The following NDUFAF2 variants were observed in gnomAD, a reference collection of about 807,000 sequenced individuals.
NDUFAF2 encodes NADH:ubiquinone oxidoreductase complex assembly factor 2.
A neutral mutation model predicts 22.8 loss-of-function variants in NDUFAF2; 13 were observed. That is an observed-to-expected ratio of 0.57 (90% confidence interval 0.37 to 0.91). The LOEUF (loss-of-function observed/expected upper bound fraction) is 0.91. Ranked by LOEUF, NDUFAF2 falls within the 40% of genes least tolerant of loss-of-function variation. The probability of loss-of-function intolerance (pLI) is 0.01; values close to 1 mark genes in which losing one functional copy is unlikely to be tolerated. For missense variants in NDUFAF2, 162 were observed against 195.2 expected (o/e 0.83, Z 1.01); for synonymous variants, 53 against 64.2 (o/e 0.83, Z 0.84).
At chr5:60,962,271 C>A (rs771539099) in intron 1 of NDUFAF2, among the ~76,000 whole-genome samples, 6 of 151,788 alleles carry the variant, frequency 4.0e-5, no homozygotes, top group African/African-American at 1.5e-4. Context: ...CATTTGTCTC[C>A]ATGGAATTAA....
At chr5:60,995,637 A>T (rs1218867731) in intron 1 of NDUFAF2, among the ~76,000 whole-genome samples, 1 of 152,208 alleles carries the variant, frequency 6.6e-6, no homozygotes, top group Non-Finnish European at 1.5e-5. Context: ...CCTGAAGCCA[A>T]CACAGCACTT....
At chr5:61,040,852 G>A (rs1019124442) in intron 1 of NDUFAF2, among the ~76,000 whole-genome samples, 6 of 152,072 alleles carry the variant, frequency 3.9e-5, no homozygotes, top group African/African-American at 1.2e-4. Context: ...TCTATAGTTA[G>A]CAAAAGTAGG....
At chr5:61,059,843 C>T (rs1752142701) in intron 1 of NDUFAF2, among the ~76,000 whole-genome samples, 1 of 152,078 alleles carries the variant, frequency 6.6e-6, no homozygotes, top group South Asian at 2.1e-4. Flanking sequence ...TAGGACATGT[C>T]AGATTATAGA....
chr5:60,958,378 T>C (rs903728384), intron 1 of NDUFAF2, among the ~76,000 whole-genome samples: 1 of 152,210 alleles, frequency 6.6e-6, no homozygotes, highest in Non-Finnish European at 1.5e-5. Flanking sequence ...AGTTTTCATA[T>C]TTAATTTGTA....
intron 1 of NDUFAF2, among the ~76,000 whole-genome samples, chr5:61,019,792 C>T (rs1175607329): frequency 6.6e-6 from 1 of 151,964 alleles, no homozygotes; most frequent in Admixed American, 6.6e-5. Flanking sequence ...TTGTACTGGC[C>T]TCTTCTGATT....
intron 1 of NDUFAF2, among the ~76,000 whole-genome samples, chr5:61,066,082 A>G (rs1752224255): frequency 6.6e-6 from 1 of 152,078 alleles, no homozygotes; most frequent in African/African-American, 2.4e-5. Flanking sequence ...ACTGAAAAAG[A>G]CGTAAAGAAA....
At chr5:61,067,803 A>G (rs1752249854) in intron 1 of NDUFAF2, among the ~76,000 whole-genome samples, 1 of 152,194 alleles carries the variant, frequency 6.6e-6, no homozygotes, top group Admixed American at 6.5e-5. Context: ...CTATTTCTCC[A>G]CATCCTCTCC....
At chr5:60,963,681 C>T (rs1383934224) in intron 1 of NDUFAF2, among the ~76,000 whole-genome samples, 4 of 152,076 alleles carry the variant, frequency 2.6e-5, no homozygotes, top group African/African-American at 7.2e-5. Context: ...CTGAAAAATC[C>T]GTGGCTTTAC....
intron 1 of NDUFAF2, among the ~76,000 whole-genome samples, chr5:60,955,918 T>A (rs1011163996): frequency 1.6e-5 from 2 of 125,150 alleles, no homozygotes; most frequent in African/African-American, 5.4e-5. Flanking sequence ...ATGTTGACTT[T>A]GTTTTTTTTT....
At chr5:61,043,595 G>T (rs1037583468) in intron 1 of NDUFAF2, among the ~76,000 whole-genome samples, 1 of 152,016 alleles carries the variant, frequency 6.6e-6, no homozygotes, top group African/African-American at 2.4e-5. Context: ...GTCTTTCTGT[G>T]CCTGCTTACT....
At chr5:61,059,042 T>A (rs745530016) in intron 1 of NDUFAF2, among the ~76,000 whole-genome samples, 1 of 152,074 alleles carries the variant, frequency 6.6e-6, no homozygotes, top group Non-Finnish European at 1.5e-5. Context: ...CAAGTGTTAT[T>A]TCTTTGTTTT....
chr5:61,144,446 C>G (rs1741105312), intron 3 of NDUFAF2, among the ~76,000 whole-genome samples: 1 of 152,034 alleles, frequency 6.6e-6, no homozygotes, highest in Admixed American at 6.5e-5. Context: ...TTTACCTTTT[C>G]TTGTTAAGTA....
At position 61,148,736 on chromosome 5, in the gene NDUFAF2, GAGA is replaced by G; in HGVS notation, c.259-3966_259-3964del. ...AGAGCCCAAATTCTATGCCACTATT[GAGA>G]AACATTCAGTGAATAACAATGTGAA... On this transcript the variant is annotated intron_variant, in intron 3 of 3. Transcript: ENST00000296597. Among the ~76,000 whole-genome samples the G allele has an allele frequency of 1.3e-5, 2 of 152,188 alleles. 1 individual carries two copies.
chr5:60,970,839 G>C (rs1382914), intron 1 of NDUFAF2, among the ~76,000 whole-genome samples: 96,625 of 151,950 alleles, frequency 0.64, 31,150 homozygotes, highest in East Asian at 0.94. Context: ...CAATATGTAG[G>C]CTGTTAAACT....
chr5:61,127,063 A>T (rs1429900409), intron 3 of NDUFAF2, among the ~76,000 whole-genome samples: 1 of 152,180 alleles, frequency 6.6e-6, no homozygotes, highest in East Asian at 1.9e-4. Context: ...CTCAACACAT[A>T]CACCCTCCCA....
intron 3 of NDUFAF2, among the ~76,000 whole-genome samples, chr5:61,141,342 T>A (rs1265153716): frequency 1.3e-5 from 2 of 152,184 alleles, no homozygotes; most frequent in African/African-American, 4.8e-5. Flanking sequence ...TATTATAATT[T>A]AATTTTTTTA....
chr5:61,067,759 A>T (rs1752248845), intron 1 of NDUFAF2, among the ~76,000 whole-genome samples: 1 of 152,078 alleles, frequency 6.6e-6, no homozygotes, highest in Admixed American at 6.6e-5. Context: ...TGGTTGAACT[A>T]GTTTACAGTC....
At chr5:61,042,769 A>T (rs1197502527) in intron 1 of NDUFAF2, among the ~76,000 whole-genome samples, 1 of 152,218 alleles carries the variant, frequency 6.6e-6, no homozygotes, top group Admixed American at 6.5e-5. Flanking sequence ...AGACAATGGG[A>T]TATTATTCAG....
chr5:61,151,406 AT>A (rs1741236323), intron 3 of NDUFAF2, among the ~76,000 whole-genome samples: 1 of 152,176 alleles, frequency 6.6e-6, no homozygotes, highest in Non-Finnish European at 1.5e-5. Context: ...TACAAATAAC[AT>A]ATTCTTAAAA....
Sources: allele counts gnomAD v4.1 joint callset (sites outside exome capture counted in the v4.1 genomes callset), GRCh38; gene constraint gnomAD v4.1.1; transcripts MANE v1.5; gene names NCBI Gene and HGNC (gene_info 2026-07-23, HGNC 2026-07-21).